Variants in PRKG1 observed in about 807,000 individuals in gnomAD.
PRKG1 encodes cGMP-dependent protein kinase 1.
PRKG1 carries 35 observed loss-of-function variants against 88.1 expected under a neutral mutation model. That is an observed-to-expected ratio of 0.40 (90% CI 0.30 to 0.53). The LOEUF is 0.53. Ranked by LOEUF, PRKG1 falls within the 20% of genes least tolerant of loss-of-function variation. The pLI, the probability that PRKG1 is intolerant of heterozygous loss-of-function variation, is 0.59. For synonymous variants in PRKG1, 303 were observed against 292.5 expected (o/e 1.04, Z -0.37); for missense variants, 540 against 839.8 (o/e 0.64, Z 4.41).
chr10:51,488,303 A>T (rs186812014), intron 3 of PRKG1, among the ~76,000 whole-genome samples: 5 of 152,270 alleles, frequency 3.3e-5, no homozygotes, highest in Non-Finnish European at 5.9e-5. Context: ...TACTTTGGTC[A>T]TTCTAGGTTT....
intron 4 of PRKG1, among the ~76,000 whole-genome samples, chr10:51,823,636 TG>T (rs1220298288): frequency 9.2e-5 from 14 of 152,230 alleles, no homozygotes; most frequent in African/African-American, 3.4e-4. Flanking sequence ...GAAAATTTCT[TG>T]AAACATTTCG....
chr10:51,022,961 C>A (rs1843160101), intron 1 of PRKG1, among the ~76,000 whole-genome samples: 1 of 152,174 alleles, frequency 6.6e-6, no homozygotes, highest in African/African-American at 2.4e-5. Context: ...CGCACTACTG[C>A]ACTCCAGCCT....
At chr10:51,006,239 A>G (rs1172516195) in intron 1 of PRKG1, among the ~76,000 whole-genome samples, 3 of 152,236 alleles carry the variant, frequency 2.0e-5, no homozygotes, top group East Asian at 1.9e-4. Context: ...GTGGGAAGAC[A>G]TATGAACTAT....
At chr10:51,383,613 C>A (rs941922700) in intron 2 of PRKG1, among the ~76,000 whole-genome samples, 4 of 152,126 alleles carry the variant, frequency 2.6e-5, no homozygotes, top group African/African-American at 9.7e-5. Flanking sequence ...CTCTAGAATA[C>A]CTGGTTGTAA....
chr10:51,567,644 TGAGTTGATCTCG>T (rs1837641523), intron 3 of PRKG1, among the ~76,000 whole-genome samples: 1 of 152,096 alleles, frequency 6.6e-6, no homozygotes, highest in South Asian at 2.1e-4. Flanking sequence ...TGGAAGACAG[TGAGTTGATCTCG>T]GCTCACTGGA....
chr10:51,149,101 G>T (rs1432660998), intron 1 of PRKG1, among the ~76,000 whole-genome samples: 2 of 151,950 alleles, frequency 1.3e-5, no homozygotes, highest in Admixed American at 1.3e-4. Flanking sequence ...CTACACCTTT[G>T]TCCTTGTTTT....
intron 5 of PRKG1, among the ~76,000 whole-genome samples, chr10:52,039,822 CCTTT>C (rs1351932183): frequency 1.3e-5 from 2 of 152,152 alleles, no homozygotes; most frequent in Non-Finnish European, 2.9e-5. Context: ...TCCTTTTCTT[CCTTT>C]GTCTCCTAAT....
chr10:50,991,310 A>AGCCGCCGCC lies in PRKG1; in HGVS notation c.-44_-36dup, dbSNP rs79957958. ...GCTCTCCGCTGCCGGCTGCCGTCCC[A>AGCCGCCGCC]GCCGCCGCCGCCGCCGCCGCCGCCG... On this transcript the variant is annotated 5_prime_UTR_variant, in exon 1 of 18. Transcript: ENST00000401604. This position sits in a 1 kb window ranked among gnomAD's most constrained non-coding sequence, Gnocchi z 4.5. The AGCCGCCGCC allele has an allele frequency of 1.3e-3, 1,763 of 1,395,656 alleles. 11 individuals carry two copies. The highest frequency in any genetic ancestry group is 7.6e-3 in the East Asian group (249 of 32,882). 86.5% of individuals were successfully genotyped at this position (1,395,656 alleles called of 1,614,324 possible). A position where few individuals can be genotyped will look rare whatever the true frequency, so the allele number is the denominator to read the frequency against.
intron 2 of PRKG1, among the ~76,000 whole-genome samples, chr10:51,375,895 A>G (rs932767561): frequency 5.9e-5 from 9 of 152,200 alleles, no homozygotes; most frequent in Non-Finnish European, 1.2e-4. Flanking sequence ...TACTTTAAGA[A>G]CCACATGAAA....
At chr10:52,276,176 T>G (rs1841869010) in intron 12 of PRKG1, among the ~76,000 whole-genome samples, 1 of 152,172 alleles carries the variant, frequency 6.6e-6, no homozygotes, top group Non-Finnish European at 1.5e-5. Flanking sequence ...TGCCCTTTAT[T>G]TCTTTCTCTT....
At chr10:51,841,389 G>A (rs965499780) in intron 4 of PRKG1, among the ~76,000 whole-genome samples, 2 of 152,168 alleles carry the variant, frequency 1.3e-5, no homozygotes, top group Admixed American at 6.5e-5. Flanking sequence ...ATAGTACAGT[G>A]TGATAAATGC....
At chr10:51,542,348 C>T (rs1842326577) in intron 3 of PRKG1, among the ~76,000 whole-genome samples, 1 of 152,092 alleles carries the variant, frequency 6.6e-6, no homozygotes, top group African/African-American at 2.4e-5. Context: ...CGTGCATCCA[C>T]CAATTTTATC....
chr10:51,115,741 G>C (rs1471415106), intron 1 of PRKG1, among the ~76,000 whole-genome samples: 5 of 151,792 alleles, frequency 3.3e-5, no homozygotes, highest in East Asian at 2.0e-4. Context: ...GGACGCTGAG[G>C]GGGGAGAATT....
chr10:51,543,576 C>T lies in PRKG1; in HGVS notation c.592+75740C>T, dbSNP rs546736764. Among the ~76,000 whole-genome samples, 10 of 152,290 alleles carry T rather than the reference C, an allele frequency of 6.6e-5. No individual in the cohort carries two copies. In the East Asian group the frequency reaches 1.9e-3, roughly 29 times the overall value. On this transcript the variant is annotated intron_variant, in intron 3 of 17. Coordinates refer to ENST00000373980, the MANE Select transcript of PRKG1 (RefSeq NM_006258.4). ...ATATTACTAAAAGTTTTGCAGATGG[C>T]AGCAAAGCTAAAAGCAGCAGCCACC...
chr10:51,108,741 C>G (rs1844909021), intron 1 of PRKG1, among the ~76,000 whole-genome samples: 1 of 152,150 alleles, frequency 6.6e-6, no homozygotes, highest in South Asian at 2.1e-4. Flanking sequence ...CTTTCCACTT[C>G]AGTTCAACAT....
intron 3 of PRKG1, among the ~76,000 whole-genome samples, chr10:51,784,191 A>C (rs1218059129): frequency 3.9e-5 from 6 of 151,990 alleles, no homozygotes; most frequent in Admixed American, 3.9e-4. Flanking sequence ...GGCCCTGCAG[A>C]GTCTCTTAGT....
intron 14 of PRKG1, among the ~76,000 whole-genome samples, chr10:52,286,642 T>G (rs552256891): frequency 6.6e-6 from 1 of 152,138 alleles, no homozygotes; most frequent in Admixed American, 6.6e-5. Context: ...ATAGGTATAC[T>G]TATTTCTCAT....
intron 14 of PRKG1, among the ~76,000 whole-genome samples, chr10:52,286,312 A>C (rs1401223436): frequency 6.6e-6 from 1 of 152,080 alleles, no homozygotes; most frequent in Non-Finnish European, 1.5e-5. Context: ...TGAGGGTCAG[A>C]GAAGGTATAA....
chr10:52,019,287 G>A (rs1196839325), intron 5 of PRKG1, among the ~76,000 whole-genome samples: 1 of 152,040 alleles, frequency 6.6e-6, no homozygotes, highest in East Asian at 1.9e-4. Flanking sequence ...GGTTTGTGAG[G>A]GACAAACATC....
Sources: allele counts gnomAD v4.1 joint callset (sites outside exome capture counted in the v4.1 genomes callset), GRCh38; gene constraint gnomAD v4.1.1; non-coding constraint Gnocchi (gnomAD v3.1); transcripts MANE v1.5; gene names NCBI Gene and HGNC (gene_info 2026-07-23, HGNC 2026-07-21).